Variants in SOX6 observed in about 807,000 individuals in gnomAD.
SOX6 encodes SRY-box transcription factor 6.
In SOX6, 11 loss-of-function variants were observed where a neutral mutation model predicts 97.8. The ratio of observed to expected loss-of-function variants is 0.11; its 90% CI spans 0.07 to 0.19. The LOEUF (loss-of-function observed/expected upper bound fraction) is 0.19. Ranked by LOEUF, SOX6 falls within the 10% of genes least tolerant of loss-of-function variation. The pLI, the probability that SOX6 is intolerant of heterozygous loss-of-function variation, is 1.00. For synonymous variants in SOX6, 360 were observed against 371.4 expected (o/e 0.97, Z 0.35); for missense variants, 810 against 1,039.5 (o/e 0.78, Z 3.04).
At chr11:16,604,455 C>A (rs1362030243) in intron 4 of SOX6, among the ~76,000 whole-genome samples, 1 of 152,180 alleles carries the variant, frequency 6.6e-6, no homozygotes, top group Admixed American at 6.5e-5. Context: ...GGCCCTCTCT[C>A]ATCTCTACTC....
intron 4 of SOX6, among the ~76,000 whole-genome samples, chr11:16,549,355 G>T (rs1847656237): frequency 6.9e-6 from 1 of 145,398 alleles, no homozygotes; most frequent in Non-Finnish European, 1.5e-5. Flanking sequence ...TTTTAGTAGA[G>T]ACGGGGTTTC....
At chr11:16,571,726 A>G (rs2133199423) in intron 4 of SOX6, among the ~76,000 whole-genome samples, 1 of 152,276 alleles carries the variant, frequency 6.6e-6, no homozygotes, top group East Asian at 1.9e-4. Context: ...ATCTCGCCTC[A>G]CTGCAATCTC....
chr11:16,621,036 G>A (rs930393533), intron 3 of SOX6, among the ~76,000 whole-genome samples: 3 of 152,136 alleles, frequency 2.0e-5, no homozygotes, highest in African/African-American at 7.2e-5. Flanking sequence ...TTTCATTTGT[G>A]TGCCTATATT....
chr11:16,355,242 T>C (rs1347548438), intron 1 of SOX6, among the ~76,000 whole-genome samples: 1 of 151,980 alleles, frequency 6.6e-6, no homozygotes, highest in Non-Finnish European at 1.5e-5. Context: ...CAATAAGGTA[T>C]CTAGGAAAGC....
At chr11:16,463,107 G>T (rs957213990) in intron 1 of SOX6, among the ~76,000 whole-genome samples, 1 of 152,146 alleles carries the variant, frequency 6.6e-6, no homozygotes, top group African/African-American at 2.4e-5. Context: ...AGATAAATTT[G>T]TAATTGAGAA....
At chr11:16,502,999 A>C (rs1860731869) in intron 4 of SOX6, among the ~76,000 whole-genome samples, 1 of 152,216 alleles carries the variant, frequency 6.6e-6, no homozygotes, top group Non-Finnish European at 1.5e-5. Context: ...ACCCCCGTCA[A>C]ACTAATAGCA....
chr11:16,051,102 T>C (rs977282566), intron 10 of SOX6, among the ~76,000 whole-genome samples: 1 of 151,200 alleles, frequency 6.6e-6, no homozygotes, highest in African/African-American at 2.4e-5. Flanking sequence ...ATATCATTGA[T>C]TAAGGGGGAA....
intron 1 of SOX6, among the ~76,000 whole-genome samples, chr11:16,434,677 T>C (rs1446618978): frequency 6.6e-6 from 1 of 152,194 alleles, no homozygotes; most frequent in Non-Finnish European, 1.5e-5. Context: ...ATTTGTATCC[T>C]TAGCCCTTAG....
chr11:16,039,522 C>T (rs557526972), intron 12 of SOX6, among the ~76,000 whole-genome samples: 95 of 152,060 alleles, frequency 6.2e-4, no homozygotes, highest in African/African-American at 2.2e-3. Context: ...AACTCTAAGA[C>T]ATTGTTTGAC....
At chr11:16,191,130 C>T (rs964895376) in intron 4 of SOX6, among the ~76,000 whole-genome samples, 11 of 152,100 alleles carry the variant, frequency 7.2e-5, no homozygotes, top group Admixed American at 4.6e-4. Context: ...AAAAGATCTT[C>T]GAATGCTCTT....
intron 4 of SOX6, among the ~76,000 whole-genome samples, chr11:16,216,530 TC>T (rs1852377293): frequency 6.6e-6 from 1 of 151,968 alleles, no homozygotes; most frequent in Admixed American, 6.6e-5. Flanking sequence ...TGGTCCTACT[TC>T]CAGTTTTCTT....
upstream of SOX6, among the ~76,000 whole-genome samples, chr11:16,359,366 A>G (rs1857146661): frequency 6.6e-6 from 1 of 152,134 alleles, no homozygotes; most frequent in African/African-American, 2.4e-5. Context: ...ACAGATTGGA[A>G]AGGATTTCAA....
At chr11:16,683,680 G>T (rs1359908558) in intron 3 of SOX6, among the ~76,000 whole-genome samples, 2 of 152,098 alleles carry the variant, frequency 1.3e-5, no homozygotes, top group African/African-American at 4.8e-5. Context: ...CATGGGCAAA[G>T]ACTTCATGAC....
intron 12 of SOX6, among the ~76,000 whole-genome samples, chr11:16,027,387 A>G (rs1241432641): frequency 6.6e-6 from 1 of 152,182 alleles, no homozygotes; most frequent in Non-Finnish European, 1.5e-5. Context: ...TTTCCTACAC[A>G]TTTCTTTCAA....
chr11:16,646,461 T>G (rs1407034350), intron 3 of SOX6, among the ~76,000 whole-genome samples: 2 of 152,104 alleles, frequency 1.3e-5, no homozygotes, highest in Non-Finnish European at 2.9e-5. Flanking sequence ...TAAGTTTTTT[T>G]ATTTTCTTTG....
chr11:16,107,337 CTAAG>C (rs1211151506), intron 7 of SOX6, among the ~76,000 whole-genome samples: 4 of 148,522 alleles, frequency 2.7e-5, no homozygotes, highest in Admixed American at 2.7e-4. Context: ...TAGAAACAAA[CTAAG>C]TGCCTATCAA....
chr11:16,189,457 T>TG (rs1415620515), intron 4 of SOX6, among the ~76,000 whole-genome samples: 3 of 151,470 alleles, frequency 2.0e-5, no homozygotes, highest in Admixed American at 6.6e-5. Context: ...ATGTTGGGGA[T>TG]GGGGGGCAGT....
intron 3 of SOX6, among the ~76,000 whole-genome samples, chr11:16,675,266 C>T (rs1325808875): frequency 6.6e-6 from 1 of 152,240 alleles, no homozygotes; most frequent in Non-Finnish European, 1.5e-5. Flanking sequence ...CCTCCTGCTT[C>T]AGCCTCCCAT....
intron 3 of SOX6, among the ~76,000 whole-genome samples, chr11:16,295,119 T>A (rs953839977): frequency 5.3e-5 from 8 of 152,106 alleles, no homozygotes; most frequent in Non-Finnish European, 1.2e-4. Context: ...TAGAAAATTA[T>A]AAGGTAATCT....
Sources: gnomAD v4.1 joint callset for allele counts (sites outside exome capture counted in the v4.1 genomes callset) on GRCh38, gnomAD v4.1.1 for gene constraint, MANE v1.5 for transcripts, NCBI Gene and HGNC (gene_info 2026-07-23, HGNC 2026-07-21) for gene names.